AHCTF1: variants seen among roughly 807,000 people sequenced by gnomAD.
AHCTF1 encodes protein ELYS.
Under a neutral mutation model 248.4 loss-of-function variants are expected in AHCTF1, and 24 were observed. That is an observed-to-expected ratio of 0.10 (90% CI 0.07 to 0.14). The LOEUF (loss-of-function observed/expected upper bound fraction) is 0.14, where lower values mean the gene tolerates loss of function less well. AHCTF1 is among the 10% of genes least tolerant of loss of function. AHCTF1 has a pLI of 1.00. For missense variants in AHCTF1, 2,206 were observed against 2,636.2 expected (o/e 0.84, Z 3.57); for synonymous variants, 786 against 929.8 (o/e 0.85, Z 2.81).
intron 2 of AHCTF1, among the ~76,000 whole-genome samples, chr1:246,917,393 A>G (rs1163363083): frequency 6.6e-6 from 1 of 152,206 alleles, no homozygotes; most frequent in Non-Finnish European, 1.5e-5. Flanking sequence ...TGGATATGTA[A>G]GTTTATAGCT....
At chr1:246,923,128 A>G (rs1453079230) in intron 1 of AHCTF1, among the ~76,000 whole-genome samples, 1 of 133,876 alleles carries the variant, frequency 7.5e-6, no homozygotes, top group East Asian at 2.2e-4. Context: ...AAAAAAAAAA[A>G]GATAGGCTGG....
In AHCTF1 at chr1:246,863,818, G is replaced by C. The variant is rs997747483; in HGVS notation, c.3540+106C>G. The C allele has an allele frequency of 5.3e-6, 6 of 1,124,240 alleles. No individual in the cohort carries two copies. In the African/African-American group the frequency reaches 9.5e-5, roughly 18 times the overall value. The allele number at this position is 1,124,240 out of a possible 1,614,324, so 69.6% of individuals were successfully genotyped here. On this transcript the variant is annotated intron_variant, in intron 27 of 35. Coordinates refer to ENST00000648844, the MANE Select transcript of AHCTF1 (RefSeq NM_001323342.2). ...AAAAGGATGCTTAAAGCATTTCCCA[G>C]CACTCCCCAAGCGTATCAGTTATAA...
Position 246,909,374 on chromosome 1 carries a change from G to A in AHCTF1, c.557-1616C>T, listed in dbSNP as rs1029497205. ...AGAGGTTGCAGTGAGCCGAGATTGC[G>A]CCACTGCACTCCAGCCTCTCAAAAA... On this transcript the variant is annotated intron_variant, in intron 4 of 35. Coordinates refer to ENST00000648844, the MANE Select transcript of AHCTF1 (RefSeq NM_001323342.2). Among the ~76,000 whole-genome samples the A allele has an allele frequency of 5.8e-5, 7 of 120,112 alleles. No homozygotes were observed. The East Asian group carries it at 7.5e-4, about 13-fold the overall frequency. The allele number at this position is 120,112 out of a possible 152,430, so 78.8% of individuals were successfully genotyped here.
At chr1:246,908,837 G>A (rs1665582236) in intron 4 of AHCTF1, among the ~76,000 whole-genome samples, 2 of 151,064 alleles carry the variant, frequency 1.3e-5, no homozygotes, top group Admixed American at 1.3e-4. Context: ...GGCAGAGCTT[G>A]CCGTGAGCCA....
chr1:246,869,086 C>T (rs113656994), intron 24 of AHCTF1, among the ~76,000 whole-genome samples: 81 of 151,198 alleles, frequency 5.4e-4, no homozygotes, highest in African/African-American at 1.1e-3. Context: ...CCTCGTGATC[C>T]GCCCGCCTTG....
At chr1:246,908,015 A>C (rs759481949) in intron 4 of AHCTF1, among the ~76,000 whole-genome samples, 14 of 152,226 alleles carry the variant, frequency 9.2e-5, no homozygotes, top group Non-Finnish European at 1.5e-4. Flanking sequence ...AATATTATCT[A>C]AGATAGAATT....
intron 21 of AHCTF1, among the ~76,000 whole-genome samples, chr1:246,885,286 T>C (rs1447265421): frequency 6.6e-6 from 1 of 152,222 alleles, no homozygotes; most frequent in South Asian, 2.1e-4. Context: ...AGAGCCCATG[T>C]ATATGAAAAG....
At chr1:246,916,463 A>G in intron 2 of AHCTF1, 68 bp from the exon 3 acceptor site, 1 of 1,364,440 alleles carries the variant, frequency 7.3e-7, no homozygotes, top group Non-Finnish European at 1.0e-6. Context: ...CGGTTAGCTC[A>G]TTTACATACA....
At chr1:246,885,414 A>G (rs1159794456) in intron 21 of AHCTF1, 79 bp downstream of exon 21, 3 of 1,240,682 alleles carry the variant, frequency 2.4e-6, no homozygotes, top group Non-Finnish European at 3.3e-6. Context: ...CCAATTGTAT[A>G]TTGCCACTGT....
intron 9 of AHCTF1, 44 bp from the exon 10 acceptor site, chr1:246,900,290 A>G (rs1664903252): frequency 1.3e-6 from 2 of 1,583,480 alleles, no homozygotes; most frequent in African/African-American, 1.4e-5. Context: ...GGTCAGCTAC[A>G]CATACAAATA....
chr1:246,846,400 C>G (rs1660261527), intron 33 of AHCTF1, among the ~76,000 whole-genome samples: 1 of 151,840 alleles, frequency 6.6e-6, no homozygotes, highest in African/African-American at 2.4e-5. Context: ...GTGGTCATTG[C>G]TTTGTTAAAG....
At chr1:246,919,381 A>G (rs575462897) in intron 1 of AHCTF1, among the ~76,000 whole-genome samples, 2 of 152,192 alleles carry the variant, frequency 1.3e-5, no homozygotes, top group Non-Finnish European at 2.9e-5. Flanking sequence ...ATTTTCTTTC[A>G]TACAAATGTG....
Position 246,869,079 on chromosome 1 carries a change from C to T in AHCTF1, c.3089-1268G>A, listed in dbSNP as rs528471387. Reference sequence around the variant, plus strand: ...CAGGATGGTCTCGATCTCCTGACCTCGTGATCCGCCCGCCTTGGCCTCCCA... The same window carrying T: ...CAGGATGGTCTCGATCTCCTGACCTTGTGATCCGCCCGCCTTGGCCTCCCA... On this transcript the variant is annotated intron_variant, in intron 24 of 35. Coordinates refer to ENST00000648844, the MANE Select transcript of AHCTF1 (RefSeq NM_001323342.2). 3.4e-3 allele frequency among the ~76,000 whole-genome samples: 507 copies of T among 150,496 alleles called. 2 individuals carry two copies. Among genetic ancestry groups the T allele is most frequent in the African/African-American group, 9.3e-3 (378 of 40,536 alleles).
chr1:246,882,764 G>A (rs1296319469), intron 21 of AHCTF1, among the ~76,000 whole-genome samples: 2 of 152,084 alleles, frequency 1.3e-5, no homozygotes, highest in African/African-American at 2.4e-5. Context: ...GTTGCTGTAC[G>A]GTGCATCATG....
intron 8 of AHCTF1, 84 bp from the exon 9 acceptor site, chr1:246,900,553 C>T: frequency 7.1e-7 from 1 of 1,407,046 alleles, no homozygotes; most frequent in Non-Finnish European, 9.6e-7. Context: ...AAGATTTTCT[C>T]ATAAATTAAG....
Position 246,885,485 on chromosome 1 carries a change from G to A in AHCTF1, c.2660+8C>T, listed in dbSNP as rs752677585. 5.0e-6 allele frequency: 8 copies of A among 1,584,406 alleles called. No homozygotes were observed. The South Asian group carries it at 6.7e-5, about 13-fold the overall frequency. ...TAAAGACTTTATAGTTTCAAAAGAT[G>A]TACTTACCTATTAAAAAGCAAAACA... On this transcript the variant is annotated splice_region_variant and intron_variant, in intron 21 of 35. Coordinates refer to ENST00000648844, the MANE Select transcript of AHCTF1 (RefSeq NM_001323342.2).
intron 1 of AHCTF1, 161 bp downstream of exon 1, chr1:246,931,417 G>A (rs1005205504): frequency 4.1e-6 from 6 of 1,457,392 alleles, no homozygotes; most frequent in South Asian, 2.8e-5. Context: ...TCGCCCCCTC[G>A]AGCCCCATCC....
At chr1:246,854,688 T>C (rs1025605125) in intron 31 of AHCTF1, among the ~76,000 whole-genome samples, 5 of 152,216 alleles carry the variant, frequency 3.3e-5, no homozygotes, top group African/African-American at 1.2e-4. Flanking sequence ...GGCTTAATCC[T>C]GACAACTCTA....
intron 8 of AHCTF1, among the ~76,000 whole-genome samples, chr1:246,900,972 A>G (rs1056127741): frequency 6.6e-6 from 1 of 152,192 alleles, no homozygotes; most frequent in African/African-American, 2.4e-5. Flanking sequence ...GGAATAGAGT[A>G]AGAGACATCA....
Sources: allele counts gnomAD v4.1 joint callset (sites outside exome capture counted in the v4.1 genomes callset), GRCh38; gene constraint gnomAD v4.1.1; transcripts MANE v1.5; gene names NCBI Gene and HGNC (gene_info 2026-07-23, HGNC 2026-07-21).